CCKBR: variants seen among roughly 807,000 people sequenced by gnomAD.
CCKBR encodes cholecystokinin B receptor.
Under a neutral mutation model 34.6 loss-of-function variants are expected in CCKBR, and 33 were observed. That is an observed-to-expected ratio of 0.95 (90% confidence interval 0.72 to 1.27). The LOEUF (loss-of-function observed/expected upper bound fraction) is 1.27. Among genes scored for constraint, CCKBR ranks in the 50% most tolerant of loss-of-function variants. The pLI is 0.00. For missense variants in CCKBR, 652 were observed against 617.4 expected (o/e 1.06, Z -0.59); for synonymous variants, 269 against 267.5 (o/e 1.01, Z -0.06).
In CCKBR at chr11:6,271,175, C is replaced by T; in HGVS notation, c.976C>T (p.Leu326=). 1 of 1,614,204 alleles carries T rather than the reference C, an allele frequency of 6.2e-7. No individual in the cohort carries two copies. Among genetic ancestry groups the T allele is most frequent in the Non-Finnish European group, 8.5e-7 (1 of 1,180,032 alleles). ...CTCCCGGCCCACCCAGGCCAAGCTG[C>T]TGGCTAAGAAGCGCGTGGTGCGAAT... The part of the protein sequence containing the change: ...SGSRPTQAKL[L]AKKRVVRMLL... The change falls in exon 5 of 5, where the codon CTG becomes TTG. Residue 326 remains leucine, a synonymous_variant. Coordinates refer to ENST00000334619, the MANE Select transcript of CCKBR (RefSeq NM_176875.4).
At position 6,259,999 on chromosome 11, in the gene CCKBR, CG is replaced by C. The variant is rs770600950; in HGVS notation, c.76del (p.Ala26ArgfsTer38). 7.6e-6 allele frequency: 12 copies of C among 1,586,960 alleles called. No individual in the cohort carries two copies. The highest frequency in any genetic ancestry group is 4.8e-5 in the East Asian group (2 of 41,594). The part of the protein sequence containing the change: ...GPGPGASLCR[P>X]GAPLLNSSSV... Reference sequence around the variant, plus strand: ...GGGCCGGGGGCTTCCCTGTGCCGCCCGGGGGCGCCTCTCCTCAACAGCAGCA... The same window carrying C: ...GGGCCGGGGGCTTCCCTGTGCCGCCCGGGGCGCCTCTCCTCAACAGCAGCA... On this transcript the variant is annotated frameshift_variant, in exon 1 of 5. Coordinates refer to ENST00000334619, the MANE Select transcript of CCKBR (RefSeq NM_176875.4). LOFTEE classifies it high-confidence loss of function.
Position 6,271,124 on chromosome 11 carries a change from C to T in CCKBR, c.925C>T (p.Leu309=). 1 of 1,613,970 alleles carries T rather than the reference C, an allele frequency of 6.2e-7. No individual in the cohort carries two copies. Among genetic ancestry groups the T allele is most frequent in the Non-Finnish European group, 8.5e-7 (1 of 1,179,942 alleles). ...CCGGCCTGCCCTGGAGCTGACGGCG[C>T]TGACGGCTCCTGGGCCGGGATCCGG... is the stretch of plus-strand genomic sequence containing the variant. ...RSRPALELTA[L]TAPGPGSGSR... Residue 309 remains leucine, a synonymous_variant, in exon 5 of 5, where the codon CTG becomes TTG. Coordinates refer to ENST00000334619, the MANE Select transcript of CCKBR (RefSeq NM_176875.4).
intron 1 of CCKBR, among the ~76,000 whole-genome samples, chr11:6,267,166 G>A (rs1368428942): frequency 6.6e-6 from 1 of 152,052 alleles, no homozygotes; most frequent in African/African-American, 2.4e-5. Context: ...ATAAACACTG[G>A]ATACTTAGGC....
intron 1 of CCKBR, 66 bp downstream of exon 1, chr11:6,260,145 C>T: frequency 8.3e-7 from 1 of 1,203,532 alleles, no homozygotes; most frequent in Non-Finnish European, 1.1e-6. Context: ...CTAATAGAGT[C>T]CCCCCAACGA....
intron 1 of CCKBR, among the ~76,000 whole-genome samples, chr11:6,265,828 C>A (rs1398638070): frequency 6.6e-6 from 1 of 152,032 alleles, no homozygotes; most frequent in African/African-American, 2.4e-5. Context: ...TCTCACTGAC[C>A]CCCACAAGGA....
At chr11:6,270,856 G>C in intron 4 of CCKBR, 53 bp downstream of exon 4, 2 of 1,613,132 alleles carry the variant, frequency 1.2e-6, no homozygotes, top group Non-Finnish European at 1.7e-6. Flanking sequence ...TTTGGAGGGC[G>C]ACGGGGCCTG....
At chr11:6,268,972 A>T (rs184546260) in intron 1 of CCKBR, among the ~76,000 whole-genome samples, 1 of 152,176 alleles carries the variant, frequency 6.6e-6, no homozygotes, top group Non-Finnish European at 1.5e-5. Flanking sequence ...CGGTCTGAGA[A>T]ACCAGCTTGA....
intron 1 of CCKBR, among the ~76,000 whole-genome samples, chr11:6,264,174 T>C (rs1848176543): frequency 6.6e-6 from 1 of 152,214 alleles, no homozygotes. Context: ...CTCACTCTGA[T>C]ATTACCTACA....
Position 6,269,783 on chromosome 11 carries a change from C to T in CCKBR, c.266C>T (p.Thr89Ile). 6.2e-7 allele frequency: 1 copy of T among 1,614,188 alleles called. No individual in the cohort carries two copies. Among genetic ancestry groups the T allele is most frequent in the Non-Finnish European group, 8.5e-7 (1 of 1,180,030 alleles). The change falls in exon 2 of 5, where the codon ACC becomes ATC. Residue 89 changes from threonine to isoleucine, a missense_variant. By Grantham distance (89) the Thr-to-Ile change is moderately conservative. Transcript: ENST00000334619. Reference protein sequence around the residue: ...LGLSRRLRTVTNAFLLSLAVS... With the variant: ...LGLSRRLRTVINAFLLSLAVS... Reference sequence around the variant, plus strand: ...CTGAGCCGCCGCCTGAGGACTGTCACCAATGCCTTCCTCCTCTCACTGGCA... The same window carrying T: ...CTGAGCCGCCGCCTGAGGACTGTCATCAATGCCTTCCTCCTCTCACTGGCA...
In CCKBR at chr11:6,259,921, C is replaced by A. The variant is rs2133891031; in HGVS notation, c.-8C>A. On this transcript the variant is annotated 5_prime_UTR_variant, in exon 1 of 5. Coordinates refer to ENST00000334619, the MANE Select transcript of CCKBR (RefSeq NM_176875.4). ...GAGCTGAGTAAGGCGGCGGGCTCGG[C>A]GGGGGCCATGGAGCTGCTAAAGCTG... 1 of 1,434,846 alleles carries A rather than the reference C, an allele frequency of 7.0e-7. No homozygotes were observed. The highest frequency in any genetic ancestry group is 9.1e-7 in the Non-Finnish European group (1 of 1,096,868). The allele number at this position is 1,434,846 out of a possible 1,614,324, so 88.9% of individuals were successfully genotyped here. A position where few individuals can be genotyped will look rare whatever the true frequency, so the allele number is the denominator to read the frequency against.
At chr11:6,265,396 G>A (rs1467160473) in intron 1 of CCKBR, among the ~76,000 whole-genome samples, 1 of 152,196 alleles carries the variant, frequency 6.6e-6, no homozygotes, top group African/African-American at 2.4e-5. Context: ...ACACACATGG[G>A]ACATCAGCTG....
Position 6,270,999 on chromosome 11 carries a change from CT to C in CCKBR, c.812-9del, listed in dbSNP as rs1848297321. 1 of 1,613,822 alleles carries C rather than the reference CT, an allele frequency of 6.2e-7. No individual in the cohort carries two copies. The stretch of plus-strand genomic sequence containing the variant: ...TCGCCTTTTTCTCTGACCGCCCACC[CT>C]TTGTGCTCAGGGGCTGTTCACCAGA... On this transcript the variant is annotated splice_polypyrimidine_tract_variant and intron_variant, in intron 4 of 4. Coordinates refer to ENST00000334619, the MANE Select transcript of CCKBR (RefSeq NM_176875.4).
At position 6,259,890 on chromosome 11, in the gene CCKBR, C is replaced by CG. The variant is rs549528845; in HGVS notation, c.-36dup. 610 of 1,392,584 alleles carry CG rather than the reference C, an allele frequency of 4.4e-4. 3 individuals are homozygous for CG. In the African/African-American group the frequency reaches 7.4e-3, roughly 17 times the overall value. 86.3% of individuals were successfully genotyped at this position (1,392,584 alleles called of 1,614,324 possible). On this transcript the variant is annotated 5_prime_UTR_variant, in exon 1 of 5. Coordinates refer to ENST00000334619, the MANE Select transcript of CCKBR (RefSeq NM_176875.4). ...AGGTGGAGCCGCGTTGGGAGCCCGC[C>CG]GGGTCGAGCTGAGTAAGGCGGCGGG... is the stretch of plus-strand genomic sequence containing the variant.
intron 1 of CCKBR, among the ~76,000 whole-genome samples, chr11:6,268,221 T>G (rs1447608129): frequency 6.6e-6 from 1 of 152,156 alleles, no homozygotes; most frequent in Non-Finnish European, 1.5e-5. Context: ...AGTGCATGGC[T>G]GTAGTTTTCA....
intron 3 of CCKBR, 75 bp from the exon 4 acceptor site, chr11:6,270,571 C>G (rs1403707154): frequency 2.7e-6 from 4 of 1,498,336 alleles, no homozygotes; most frequent in Non-Finnish European, 3.6e-6. Flanking sequence ...CCTAGAAACA[C>G]TAGTCCTTGG....
Position 6,271,647 on chromosome 11 carries a change from A to C in CCKBR, c.*104A>C. ...AACTGACACAGGAAACCAACACCCAAAGCATGGACTAACCCCAACGCACAG... is the reference window on the plus strand; with the variant it reads ...AACTGACACAGGAAACCAACACCCACAGCATGGACTAACCCCAACGCACAG... On this transcript the variant is annotated 3_prime_UTR_variant, in exon 5 of 5. Transcript: ENST00000334619. The C allele has an allele frequency of 8.7e-7, 1 of 1,148,430 alleles. No homozygotes were observed. The highest frequency in any genetic ancestry group is 1.2e-6 in the Non-Finnish European group (1 of 829,642). 71.1% of individuals were successfully genotyped at this position (1,148,430 alleles called of 1,614,324 possible).
chr11:6,269,763 C>A lies in CCKBR; in HGVS notation c.246C>A (p.Ser82Arg), dbSNP rs756631152. ...NMLIIVVLGL[S>R]RRLRTVTNAF... ...TCATCATCGTGGTCCTGGGACTGAG[C>A]CGCCGCCTGAGGACTGTCACCAATG... Residue 82 changes from serine to arginine, a missense_variant, in exon 2 of 5, where the codon AGC becomes AGA. Transcript: ENST00000334619. 6 of 1,614,134 alleles carry A rather than the reference C, an allele frequency of 3.7e-6. No individual in the cohort carries two copies. The highest frequency in any genetic ancestry group is 5.1e-6 in the Non-Finnish European group (6 of 1,180,016).
Position 6,270,682 on chromosome 11 carries a change from G to T in CCKBR, c.690G>T (p.Pro230=). 1 of 1,612,460 alleles carries T rather than the reference G, an allele frequency of 6.2e-7. No individual in the cohort carries two copies. The change falls in exon 4 of 5, where the codon CCG becomes CCT. Residue 230 remains proline (P), a synonymous_variant. Coordinates refer to ENST00000334619, the MANE Select transcript of CCKBR (RefSeq NM_176875.4). ...TGCTTCTGCTCTTGTTCTTCATCCC[G>T]GGTGTGGTTATGGCCGTGGCCTACG... The part of the protein sequence containing the change: ...VLLLLLLFFI[P]GVVMAVAYGL...
Position 6,271,407 on chromosome 11 carries a change from A to G in CCKBR, c.1208A>G (p.Glu403Gly), listed in dbSNP as rs1399351166. 1.2e-6 allele frequency: 2 copies of G among 1,613,812 alleles called. No homozygotes were observed. The highest frequency in any genetic ancestry group is 1.3e-5 in the African/African-American group (1 of 74,924). Residue 403 changes from glutamate to glycine, a missense_variant, in exon 5 of 5, where the codon GAA becomes GGA. By Grantham distance (98) the Glu-to-Gly change is moderately conservative. Transcript: ENST00000334619. The stretch of plus-strand genomic sequence containing the variant: ...CGTCGCTTTCGCCAGGCCTGCCTGG[A>G]AACTTGCGCTCGCTGCTGCCCCCGG... ...MHRRFRQACL[E>G]TCARCCPRPP...
Sources: gnomAD v4.1 joint callset for allele counts (sites outside exome capture counted in the v4.1 genomes callset) on GRCh38, gnomAD v4.1.1 for gene constraint, MANE v1.5 for transcripts, NCBI Gene and HGNC (gene_info 2026-07-23, HGNC 2026-07-21) for gene names.